Variants in WWOX observed in about 807,000 individuals in gnomAD.
WWOX encodes WW domain-containing oxidoreductase.
Under a neutral mutation model 46.2 loss-of-function variants are expected in WWOX, and 69 were observed. That is an observed-to-expected ratio of 1.49 (90% CI 1.23 to 1.82). The LOEUF (loss-of-function observed/expected upper bound fraction) is 1.82. WWOX is among the 40% of genes most tolerant of loss of function. The pLI is 0.00. For synonymous variants in WWOX, 359 were observed against 202.6 expected, an observed-to-expected ratio of 1.77 and a Z score of -6.56; for missense variants, 919 against 542.6, an observed-to-expected ratio of 1.69 and a Z score of -6.89.
At position 78,600,481 on chromosome 16, in the gene WWOX, C is replaced by T. The variant is rs549962605; in HGVS notation, c.1056+167729C>T. Among the ~76,000 whole-genome samples, 26 of 152,220 alleles carry T rather than the reference C, an allele frequency of 1.7e-4. No homozygotes were observed. In the South Asian group the frequency reaches 2.7e-3, roughly 16 times the overall value. On this transcript the variant is annotated intron_variant, in intron 8 of 8. Coordinates refer to ENST00000566780, the MANE Select transcript of WWOX (RefSeq NM_016373.4). Reference sequence around the variant, plus strand: ...CATTTTAAGTATTCTTTTCTTTCCCCCCAACCCTCCGTGGGTTAAAGCATC... The same window carrying T: ...CATTTTAAGTATTCTTTTCTTTCCCTCCAACCCTCCGTGGGTTAAAGCATC...
rs549578282 is a variant in WWOX, at chr16:78,529,040, A to G, written c.1056+96288A>G. Among the ~76,000 whole-genome samples the G allele has an allele frequency of 4.1e-5, 6 of 145,834 alleles. No homozygotes were observed. The Admixed American group carries it at 4.2e-4, about 10-fold the overall frequency. On this transcript the variant is annotated intron_variant, in intron 8 of 8. Transcript: ENST00000566780. ...ACGATCTTGGCTTACTATAGCCTTG[A>G]CCTCTCTGGCTCCAGTGATCCTCCC...
At chr16:79,078,548 G>T (rs2048702480) in intron 8 of WWOX, among the ~76,000 whole-genome samples, 1 of 152,136 alleles carries the variant, frequency 6.6e-6, no homozygotes, top group South Asian at 2.1e-4. Flanking sequence ...TGACTGCATA[G>T]TACCGTGTAC....
intron 4 of WWOX, among the ~76,000 whole-genome samples, chr16:78,150,595 C>T (rs1160092268): frequency 6.6e-6 from 1 of 152,120 alleles, no homozygotes; most frequent in Admixed American, 6.5e-5. Context: ...GTCACCCAGG[C>T]TGGTCTTGAA....
At chr16:78,763,659 C>T (rs1029922120) in intron 8 of WWOX, among the ~76,000 whole-genome samples, 14 of 152,204 alleles carry the variant, frequency 9.2e-5, no homozygotes, top group African/African-American at 3.4e-4. Flanking sequence ...TAGTACAGTG[C>T]CCTGAACATA....
chr16:78,228,723 G>A (rs1331934230), intron 5 of WWOX, among the ~76,000 whole-genome samples: 5 of 152,078 alleles, frequency 3.3e-5, no homozygotes, highest in African/African-American at 1.2e-4. Context: ...GAAACTTTCT[G>A]GTGAACATCA....
intron 8 of WWOX, among the ~76,000 whole-genome samples, chr16:78,600,457 A>T (rs1489305823): frequency 6.6e-6 from 1 of 152,128 alleles, no homozygotes; most frequent in East Asian, 1.9e-4. Context: ...AGTCATCTCC[A>T]TTTTAAGTAT....
intron 1 of WWOX, 88 bp from the exon 2 acceptor site, chr16:78,108,335 T>G (rs1241578820): frequency 7.4e-7 from 1 of 1,343,384 alleles, no homozygotes; most frequent in East Asian, 2.5e-5. Context: ...TATCTGGCTA[T>G]CTGGGAGAGA....
Position 78,333,043 on chromosome 16 carries a change from C to CTTTTTTTTTTTTTTTTTTTTTTTTT in WWOX, c.517-53793_517-53792insTTTTTTTTTTTTTTTTTTTTTTTTT, listed in dbSNP as rs11289222. On this transcript the variant is annotated intron_variant, in intron 5 of 8. Coordinates refer to ENST00000566780, the MANE Select transcript of WWOX (RefSeq NM_016373.4). ...CTGAGTAGCATGGAAGAGCATTATA[C>CTTTTTTTTTTTTTTTTTTTTTTTTT]TTTTTTTTTTTTTTTTTTTTTTTTG... 9.5e-4 allele frequency among the ~76,000 whole-genome samples: 54 copies of CTTTTTTTTTTTTTTTTTTTTTTTTT among 57,120 alleles called. 11 individuals are homozygous for CTTTTTTTTTTTTTTTTTTTTTTTTT. The highest frequency in any genetic ancestry group is 1.3e-3 in the Non-Finnish European group (34 of 26,260). 37.5% of individuals were successfully genotyped at this position (57,120 alleles called of 152,430 possible). A position where few individuals can be genotyped will look rare whatever the true frequency, so the allele number is the denominator to read the frequency against.
chr16:79,091,775 C>CT (rs771753213), intron 8 of WWOX, among the ~76,000 whole-genome samples: 6,213 of 125,376 alleles, frequency 0.05, 196 homozygotes, highest in Non-Finnish European at 0.072. Flanking sequence ...CTTTTCTTTT[C>CT]TTTGTTTTTT....
chr16:78,326,452 CGCAAAGGAAGCTGGGCCTA>C (rs1002205744), intron 5 of WWOX, among the ~76,000 whole-genome samples: 5 of 151,694 alleles, frequency 3.3e-5, no homozygotes, highest in African/African-American at 1.2e-4. Context: ...GTTGTTATCG[CGCAAAGGAAGCTGGGCCTA>C]GTAAAGGAAT....
intron 8 of WWOX, among the ~76,000 whole-genome samples, chr16:78,934,012 A>T (rs1438127009): frequency 6.6e-6 from 1 of 152,032 alleles, no homozygotes; most frequent in Non-Finnish European, 1.5e-5. Flanking sequence ...GGCAACACAT[A>T]GAGACACCGT....
chr16:78,108,534 A>C (rs780820037), intron 2 of WWOX, 47 bp downstream of exon 2: 1 of 1,602,352 alleles, frequency 6.2e-7, no homozygotes, highest in South Asian at 1.1e-5. Flanking sequence ...CATTAAGTAG[A>C]TGAGGAAATG....
At chr16:79,151,013 T>C (rs1274336827) in intron 8 of WWOX, among the ~76,000 whole-genome samples, 4 of 152,206 alleles carry the variant, frequency 2.6e-5, no homozygotes, top group Non-Finnish European at 5.9e-5. Flanking sequence ...GCACAGGAAT[T>C]ATTTCCCTTT....
At chr16:78,799,923 C>T (rs77132588) in intron 8 of WWOX, among the ~76,000 whole-genome samples, 2,708 of 152,218 alleles carry the variant, frequency 0.018, 69 homozygotes, top group East Asian at 0.056. Context: ...CCCTGAAATA[C>T]GTCCTCCATC....
chr16:79,079,020 C>T (rs2048711801), intron 8 of WWOX, among the ~76,000 whole-genome samples: 1 of 152,164 alleles, frequency 6.6e-6, no homozygotes, highest in Non-Finnish European at 1.5e-5. Flanking sequence ...ATACATTTGA[C>T]CTGCATTGAT....
chr16:79,056,100 C>T (rs1303218773), intron 8 of WWOX, among the ~76,000 whole-genome samples: 2 of 151,704 alleles, frequency 1.3e-5, no homozygotes, highest in African/African-American at 2.4e-5. Context: ...AAAAGGAAAA[C>T]CACTATCCCC....
chr16:78,574,338 A>G (rs1444507751), intron 8 of WWOX, among the ~76,000 whole-genome samples: 1 of 152,240 alleles, frequency 6.6e-6, no homozygotes, highest in Admixed American at 6.5e-5. Flanking sequence ...AAGGGAGGAC[A>G]CTGCACAATG....
chr16:78,850,770 C>G (rs981410079), intron 8 of WWOX, among the ~76,000 whole-genome samples: 9 of 152,152 alleles, frequency 5.9e-5, no homozygotes, highest in Non-Finnish European at 1.3e-4. Context: ...CTTATTGGGA[C>G]AAACAGATAT....
chr16:78,142,438 C>T (rs1028776353), intron 4 of WWOX, among the ~76,000 whole-genome samples: 6 of 152,136 alleles, frequency 3.9e-5, no homozygotes, highest in Admixed American at 3.3e-4. Context: ...TGCAAAAGAA[C>T]TAGAAATGCT....
Sources: allele counts gnomAD v4.1 joint callset (sites outside exome capture counted in the v4.1 genomes callset), GRCh38; gene constraint gnomAD v4.1.1; transcripts MANE v1.5; gene names NCBI Gene and HGNC (gene_info 2026-07-23, HGNC 2026-07-21).